The following WDPCP variants were observed in gnomAD, a reference collection of about 807,000 sequenced individuals.
WDPCP encodes the protein WD repeat-containing and planar cell polarity effector protein fritz homolog.
WDPCP carries 71 observed loss-of-function variants against 93.1 expected under a neutral mutation model. The observed-to-expected ratio is 0.76, with a 90% CI of 0.63 to 0.93. WDPCP has a LOEUF of 0.93. Among genes scored for constraint, WDPCP ranks in the 40% least tolerant of loss-of-function variants. The probability of loss-of-function intolerance (pLI) is 0.00; values close to 1 mark genes in which losing one functional copy is unlikely to be tolerated. For missense variants in WDPCP, 844 were observed against 887.4 expected, an observed-to-expected ratio of 0.95 and a Z score of 0.62; for synonymous variants, 315 against 315.0, an observed-to-expected ratio of 1.00 and a Z score of 0.00.
chr2:63,368,487 G>T (rs1691117394), intron 12 of WDPCP, among the ~76,000 whole-genome samples: 1 of 151,880 alleles, frequency 6.6e-6, no homozygotes, highest in Non-Finnish European at 1.5e-5. Flanking sequence ...CACCATGCCT[G>T]GCTAATTTTT....
chr2:63,216,710 ATAAAAAAAAAAC>A (rs1340468520), intron 14 of WDPCP, among the ~76,000 whole-genome samples: 1 of 152,020 alleles, frequency 6.6e-6, no homozygotes, highest in East Asian at 1.9e-4. Context: ...TTAAAGTTTA[ATAAAAAAAAAAC>A]TAAAAAAAAA....
At chr2:63,603,023 G>C (rs536231900) in intron 3 of WDPCP, among the ~76,000 whole-genome samples, 2 of 147,902 alleles carry the variant, frequency 1.4e-5, no homozygotes, top group African/African-American at 4.9e-5. Flanking sequence ...GCAATGGCAC[G>C]ATCTCGGCTC....
chr2:63,199,457 C>A (rs1427711472), intron 14 of WDPCP, among the ~76,000 whole-genome samples: 1 of 152,234 alleles, frequency 6.6e-6, no homozygotes, highest in Non-Finnish European at 1.5e-5. Context: ...CCAGACATGG[C>A]ACCCTTCATT....
chr2:63,522,344 C>T (rs1702993039), intron 1 of WDPCP, among the ~76,000 whole-genome samples: 1 of 151,924 alleles, frequency 6.6e-6, no homozygotes, highest in Admixed American at 6.6e-5. Context: ...CCTAACATCA[C>T]ACCTAGAGGA....
intron 13 of WDPCP, among the ~76,000 whole-genome samples, chr2:63,299,108 C>T (rs1685125196): frequency 6.6e-6 from 1 of 152,138 alleles, no homozygotes; most frequent in East Asian, 1.9e-4. Context: ...AACGTCATTC[C>T]ACACGTCAGC....
chr2:63,449,301 G>C (rs2105618199), intron 6 of WDPCP, among the ~76,000 whole-genome samples: 1 of 152,234 alleles, frequency 6.6e-6, no homozygotes, highest in East Asian at 1.9e-4. Flanking sequence ...TAAATGTCCA[G>C]CTGGAACTGC....
At chr2:63,752,058 G>T in intron 2 of WDPCP, 1 of 619,466 alleles carries the variant, frequency 1.6e-6, no homozygotes, top group Non-Finnish European at 3.0e-6. Context: ...AACCTCTTTG[G>T]CTGGGTGAAG....
At chr2:63,418,580 A>T (rs1695601418) in intron 9 of WDPCP, among the ~76,000 whole-genome samples, 1 of 152,186 alleles carries the variant, frequency 6.6e-6, no homozygotes, top group Admixed American at 6.5e-5. Context: ...GAATTCTGAA[A>T]TCTAATAACT....
chr2:63,157,861 A>G (rs538751956), intron 15 of WDPCP, among the ~76,000 whole-genome samples: 2 of 152,130 alleles, frequency 1.3e-5, no homozygotes, highest in Non-Finnish European at 2.9e-5. Flanking sequence ...TTCAACTTCA[A>G]TGATATATGC....
chr2:63,485,082 C>T (rs1700490312), intron 4 of WDPCP, 95 bp from the exon 5 acceptor site: 1 of 1,307,252 alleles, frequency 7.6e-7, no homozygotes, highest in Admixed American at 1.8e-5. Context: ...AATAAAACAC[C>T]TCTATAATCG....
intron 2 of WDPCP, among the ~76,000 whole-genome samples, chr2:63,667,726 A>G (rs150422525): frequency 2.0e-5 from 3 of 151,088 alleles, no homozygotes; most frequent in African/African-American, 7.3e-5. Context: ...ATAGGGTCCC[A>G]TGATATCCCA....
chr2:63,833,246 C>A, the WDPCP span, among the ~76,000 whole-genome samples: 1 of 152,210 alleles, frequency 6.6e-6, no homozygotes, highest in East Asian at 1.9e-4. Context: ...GAGTGAGACT[C>A]CATCTCAAAA....
intron 13 of WDPCP, among the ~76,000 whole-genome samples, chr2:63,304,200 A>G (rs1027162086): frequency 6.6e-6 from 1 of 152,230 alleles, no homozygotes; most frequent in African/African-American, 2.4e-5. Flanking sequence ...TGTTTATTGC[A>G]GTATTATTCA....
chr2:63,709,821 C>A (rs897090966), intron 2 of WDPCP, among the ~76,000 whole-genome samples: 2 of 152,016 alleles, frequency 1.3e-5, no homozygotes, highest in African/African-American at 4.8e-5. Context: ...CAGAGAGTTA[C>A]AATAAAATGT....
chr2:63,733,322 CCCGAGTAG>C (rs952593456), intron 2 of WDPCP, among the ~76,000 whole-genome samples: 3 of 149,660 alleles, frequency 2.0e-5, no homozygotes, highest in Non-Finnish European at 4.4e-5. Context: ...GCCTCAGCCT[CCCGAGTAG>C]CTGGGACTAC....
chr2:63,174,894 A>G, intron 14 of WDPCP, 62 bp from the exon 15 acceptor site: 8 of 1,552,636 alleles, frequency 5.2e-6, no homozygotes, highest in Non-Finnish European at 7.1e-6. Flanking sequence ...ACTCCCTTAT[A>G]AGTAAGATTA....
At chr2:63,573,732 G>A (rs1334819838) in intron 1 of WDPCP, among the ~76,000 whole-genome samples, 5 of 152,262 alleles carry the variant, frequency 3.3e-5, no homozygotes, top group South Asian at 2.1e-4. Flanking sequence ...AACTCTGACC[G>A]CCAGTGAGCC....
At chr2:63,502,793 C>A (rs1701634569) in intron 1 of WDPCP, among the ~76,000 whole-genome samples, 2 of 149,324 alleles carry the variant, frequency 1.3e-5, no homozygotes, top group Non-Finnish European at 1.5e-5. Context: ...AAAAAAAAAA[C>A]TGGGCATAAC....
intron 1 of WDPCP, among the ~76,000 whole-genome samples, chr2:63,572,825 G>T (rs1480191618): frequency 6.6e-6 from 1 of 151,054 alleles, no homozygotes; most frequent in African/African-American, 2.4e-5. Context: ...TTTTTCCTTG[G>T]TTCAATGCTT....
Sources: allele counts gnomAD v4.1 joint callset (sites outside exome capture counted in the v4.1 genomes callset), GRCh38; gene constraint gnomAD v4.1.1; transcripts MANE v1.5; gene names NCBI Gene and HGNC (gene_info 2026-07-23, HGNC 2026-07-21).